PDZRN4: variants seen among roughly 807,000 people sequenced by gnomAD.
The protein encoded by PDZRN4 is PDZ domain containing ring finger 4.
In PDZRN4, 70 loss-of-function variants were observed where a neutral mutation model predicts 99.0. The ratio of observed to expected loss-of-function variants is 0.71; its 90% CI spans 0.58 to 0.86. The LOEUF (loss-of-function observed/expected upper bound fraction) is 0.86, where lower values mean the gene tolerates loss of function less well. PDZRN4 is among the 40% of genes least tolerant of loss of function. The pLI, the probability that PDZRN4 is intolerant of heterozygous loss-of-function variation, is 0.00. For missense variants in PDZRN4, 1,474 were observed against 1,331.2 expected, an observed-to-expected ratio of 1.11 and a Z score of -1.67; for synonymous variants, 551 against 501.6, an observed-to-expected ratio of 1.10 and a Z score of -1.32.
At chr12:41,236,424 G>A (rs1248362936) in intron 3 of PDZRN4, among the ~76,000 whole-genome samples, 2 of 152,110 alleles carry the variant, frequency 1.3e-5, no homozygotes, top group Non-Finnish European at 2.9e-5. Flanking sequence ...AGGTGAGGCG[G>A]GAGGCTCATT....
intron 3 of PDZRN4, among the ~76,000 whole-genome samples, chr12:41,393,692 A>G (rs1952226072): frequency 6.6e-6 from 1 of 152,206 alleles, no homozygotes; most frequent in South Asian, 2.1e-4. Context: ...CAAGGCTTGC[A>G]GAGTGATTAT....
chr12:41,440,437 G>A (rs2120466261), intron 3 of PDZRN4, among the ~76,000 whole-genome samples: 1 of 152,230 alleles, frequency 6.6e-6, no homozygotes, highest in East Asian at 1.9e-4. Context: ...TGATAATACA[G>A]GACACATAGA....
At chr12:41,465,710 C>G (rs962127223) in intron 3 of PDZRN4, among the ~76,000 whole-genome samples, 45 of 152,208 alleles carry the variant, frequency 3.0e-4, no homozygotes, top group African/African-American at 1.0e-3. Context: ...AGTCTCTCTC[C>G]CTTCCTCCAG....
At chr12:41,544,054 A>G (rs1231129214) in intron 5 of PDZRN4, among the ~76,000 whole-genome samples, 1 of 152,226 alleles carries the variant, frequency 6.6e-6, no homozygotes, top group Admixed American at 6.5e-5. Flanking sequence ...GTATTATCCT[A>G]TCAGATTCTT....
intron 3 of PDZRN4, among the ~76,000 whole-genome samples, chr12:41,378,067 A>G (rs1952094707): frequency 6.6e-6 from 1 of 152,156 alleles, no homozygotes; most frequent in African/African-American, 2.4e-5. Context: ...CCTGATCTTA[A>G]AAGAATTCAG....
Position 41,339,568 on chromosome 12 carries a change from A to C in PDZRN4, c.843+145380A>C, listed in dbSNP as rs1348154962. On this transcript the variant is annotated intron_variant, in intron 3 of 9. Transcript: ENST00000402685. ...CATCAGCAACAAAGCAACAAAGCAAAATGGACAAATGAGACCATATCAAGT... is the reference window on the plus strand; with the variant it reads ...CATCAGCAACAAAGCAACAAAGCAACATGGACAAATGAGACCATATCAAGT... Among the ~76,000 whole-genome samples the C allele has an allele frequency of 2.0e-5, 3 of 152,104 alleles. No individual in the cohort carries two copies. The East Asian group carries it at 5.8e-4, about 29-fold the overall frequency.
intron 3 of PDZRN4, among the ~76,000 whole-genome samples, chr12:41,432,361 A>T (rs544006300): frequency 6.6e-6 from 1 of 152,250 alleles, no homozygotes; most frequent in African/African-American, 2.4e-5. Context: ...ATATTCTTGA[A>T]TACTAAGAAT....
intron 3 of PDZRN4, among the ~76,000 whole-genome samples, chr12:41,292,070 A>G (rs942019668): frequency 1.3e-5 from 2 of 152,250 alleles, no homozygotes; most frequent in African/African-American, 4.8e-5. Context: ...GCACACAAGC[A>G]ACAAACAAAG....
intron 5 of PDZRN4, among the ~76,000 whole-genome samples, chr12:41,523,309 A>G (rs1036194394): frequency 2.0e-5 from 3 of 152,076 alleles, no homozygotes; most frequent in Non-Finnish European, 4.4e-5. Context: ...TCTCATGTAG[A>G]TGCTGTTGAC....
intron 5 of PDZRN4, among the ~76,000 whole-genome samples, chr12:41,532,001 C>G (rs1354266402): frequency 1.3e-5 from 2 of 152,026 alleles, no homozygotes; most frequent in Non-Finnish European, 2.9e-5. Flanking sequence ...CTAAAAAAAT[C>G]TTTCTTTCGC....
At position 41,188,322 on chromosome 12, in the gene PDZRN4, C is replaced by A; in HGVS notation, c.-134C>A. 1.3e-6 allele frequency: 1 copy of A among 769,246 alleles called. No homozygotes were observed. Among genetic ancestry groups the A allele is most frequent in the Non-Finnish European group, 2.0e-6 (1 of 499,880 alleles). 47.7% of individuals were successfully genotyped at this position (769,246 alleles called of 1,614,324 possible). Reference sequence around the variant, plus strand: ...CTTCAAGCCAAACAAACAGTGAGATCACACCTCCCACCCGCCACCTCCCTC... The same window carrying A: ...CTTCAAGCCAAACAAACAGTGAGATAACACCTCCCACCCGCCACCTCCCTC... On this transcript the variant is annotated 5_prime_UTR_variant, in exon 1 of 10. Transcript: ENST00000402685.
Position 41,567,774 on chromosome 12 carries a change from C to G in PDZRN4, c.1468-9C>G, listed in dbSNP as rs747196930. 2 of 1,573,888 alleles carry G rather than the reference C, an allele frequency of 1.3e-6. No individual in the cohort carries two copies. The highest frequency in any genetic ancestry group is 2.2e-5 in the East Asian group (1 of 44,644). On this transcript the variant is annotated splice_polypyrimidine_tract_variant and intron_variant, in intron 8 of 9. Coordinates refer to ENST00000402685, the MANE Select transcript of PDZRN4 (RefSeq NM_001164595.2). ...ACATAATATAATGTACTAATGTATTCTTTTGCAGCTGGATGAAGGCTGGCT... is the reference window on the plus strand; with the variant it reads ...ACATAATATAATGTACTAATGTATTGTTTTGCAGCTGGATGAAGGCTGGCT...
At chr12:41,250,110 G>A (rs1396062672) in intron 3 of PDZRN4, among the ~76,000 whole-genome samples, 3 of 152,206 alleles carry the variant, frequency 2.0e-5, no homozygotes, top group Admixed American at 2.0e-4. Flanking sequence ...CTTGACTTAG[G>A]TGTTCAGACA....
chr12:41,395,696 A>G (rs1373292319), intron 3 of PDZRN4, among the ~76,000 whole-genome samples: 2 of 152,188 alleles, frequency 1.3e-5, no homozygotes, highest in Non-Finnish European at 2.9e-5. Flanking sequence ...TCTTCAAAGT[A>G]TACCTATCTT....
chr12:41,251,346 T>G (rs2120809188), intron 3 of PDZRN4, among the ~76,000 whole-genome samples: 1 of 152,328 alleles, frequency 6.6e-6, no homozygotes, highest in African/African-American at 2.4e-5. Context: ...GGCTTCATCT[T>G]CAACATATTC....
intron 5 of PDZRN4, among the ~76,000 whole-genome samples, chr12:41,518,961 T>TA (rs61483985): frequency 0.022 from 3,416 of 151,972 alleles, 132 homozygotes; most frequent in African/African-American, 0.075. Context: ...TATAAATAAA[T>TA]AAAAGGTGCT....
intron 6 of PDZRN4, among the ~76,000 whole-genome samples, chr12:41,555,250 G>GA (rs545027272): frequency 8.4e-6 from 1 of 119,198 alleles, no homozygotes; most frequent in Non-Finnish European, 1.8e-5. Flanking sequence ...AAAAAAAAAA[G>GA]AAAAAAAAAA....
intron 3 of PDZRN4, among the ~76,000 whole-genome samples, chr12:41,311,442 G>A (rs1951606082): frequency 6.6e-6 from 1 of 152,136 alleles, no homozygotes; most frequent in Non-Finnish European, 1.5e-5. Flanking sequence ...ACATCAGTAA[G>A]TTCAGGTGGG....
chr12:41,305,018 TA>T (rs1951560033), intron 3 of PDZRN4, among the ~76,000 whole-genome samples: 1 of 152,210 alleles, frequency 6.6e-6, no homozygotes, highest in Non-Finnish European at 1.5e-5. Flanking sequence ...AAAGGTGGTG[TA>T]GCAGCTGGGC....
Sources: allele counts gnomAD v4.1 joint callset (sites outside exome capture counted in the v4.1 genomes callset), GRCh38; gene constraint gnomAD v4.1.1; transcripts MANE v1.5; gene names NCBI Gene and HGNC (gene_info 2026-07-23, HGNC 2026-07-21).